Variants in CHD9 observed in about 807,000 individuals in gnomAD.
CHD9 encodes ATP-dependent chromatin remodeler CHD9.
In CHD9, 77 loss-of-function variants were observed where a neutral mutation model predicts 316.1. The ratio of observed to expected loss-of-function variants is 0.24; its 90% CI spans 0.20 to 0.29. CHD9 has a LOEUF of 0.29. CHD9 is among the 10% of genes least tolerant of loss of function. CHD9 has a pLI of 1.00. For synonymous variants in CHD9, 1,129 were observed against 1,158.3 expected (o/e 0.97, Z 0.51); for missense variants, 2,763 against 3,438.1 (o/e 0.80, Z 4.91).
chr16:53,258,053 C>CATTAATA (rs1484009378), intron 19 of CHD9, among the ~76,000 whole-genome samples: 3 of 152,076 alleles, frequency 2.0e-5, no homozygotes, highest in Non-Finnish European at 4.4e-5. Context: ...TTAATGAAGG[C>CATTAATA]ATATACAAAG....
chr16:53,087,947 CA>C (rs61112383), intron 1 of CHD9, among the ~76,000 whole-genome samples: 10,617 of 122,438 alleles, frequency 0.087, 1,196 homozygotes, highest in African/African-American at 0.28. Context: ...GAGTCTGTCT[CA>C]AAAAAAAAAA....
intron 11 of CHD9, 141 bp downstream of exon 11, chr16:53,235,447 T>A (rs1338892647): frequency 1.7e-6 from 1 of 592,910 alleles, no homozygotes; most frequent in African/African-American, 1.9e-5. Context: ...CAGGAACATA[T>A]GTAAATTGCA....
intron 24 of CHD9, among the ~76,000 whole-genome samples, chr16:53,282,362 A>G (rs2053490547): frequency 6.6e-6 from 1 of 152,130 alleles, no homozygotes; most frequent in African/African-American, 2.4e-5. Flanking sequence ...TAATCCCAGC[A>G]CTTAAGGCCG....
At chr16:53,150,760 C>A (rs1401813598) in intron 1 of CHD9, among the ~76,000 whole-genome samples, 11 of 152,164 alleles carry the variant, frequency 7.2e-5, no homozygotes, top group African/African-American at 2.7e-4. Flanking sequence ...AATTCTTAGT[C>A]AACAGTTTTT....
intron 27 of CHD9, among the ~76,000 whole-genome samples, chr16:53,290,361 G>A (rs886788619): frequency 6.6e-6 from 1 of 152,170 alleles, no homozygotes; most frequent in Non-Finnish European, 1.5e-5. Context: ...ACCAGAATTA[G>A]GACGTAAAAC....
At chr16:53,061,017 C>A (rs1026282696) in intron 1 of CHD9, among the ~76,000 whole-genome samples, 1 of 151,576 alleles carries the variant, frequency 6.6e-6, no homozygotes, top group African/African-American at 2.4e-5. Flanking sequence ...CCTCCGCCCC[C>A]CCGGGTTCAA....
In CHD9 at chr16:53,262,998, G is replaced by A. The variant is rs1243927767; in HGVS notation, c.4221G>A (p.Val1407=). Residue 1407 remains valine, a synonymous_variant, in exon 20 of 39, where the codon GTG becomes GTA. Coordinates refer to ENST00000447540, the MANE Select transcript of CHD9 (RefSeq NM_001308319.2). ...ATTATATATTTCAGGCGAGTTTTGTGGCATCTGGAAACCGGACAGATATTT... is the reference window on the plus strand; with the variant it reads ...ATTATATATTTCAGGCGAGTTTTGTAGCATCTGGAAACCGGACAGATATTT... ...RGSTFAKASF[V]ASGNRTDISL... 1.2e-6 allele frequency: 2 copies of A among 1,612,040 alleles called. No homozygotes were observed. The highest frequency in any genetic ancestry group is 3.3e-5 in the Admixed American group (2 of 59,838).
chr16:53,186,105 C>A (rs560469181), intron 2 of CHD9, among the ~76,000 whole-genome samples: 3 of 152,292 alleles, frequency 2.0e-5, no homozygotes, highest in Admixed American at 6.5e-5. Flanking sequence ...ATGATAGATC[C>A]ACTGACATTT....
chr16:53,074,324 C>T (rs189823224), intron 1 of CHD9, among the ~76,000 whole-genome samples: 3 of 152,288 alleles, frequency 2.0e-5, no homozygotes, highest in Admixed American at 1.3e-4. Context: ...CATAAAAGTT[C>T]AGAAAATTTG....
At chr16:53,253,189 G>A (rs1306884940) in intron 17 of CHD9, among the ~76,000 whole-genome samples, 1 of 151,298 alleles carries the variant, frequency 6.6e-6, no homozygotes, top group Non-Finnish European at 1.5e-5. Context: ...AAACTGTGGT[G>A]GGTATATGTG....
chr16:53,128,153 A>C (rs1343799897), intron 1 of CHD9, among the ~76,000 whole-genome samples: 1 of 151,780 alleles, frequency 6.6e-6, no homozygotes, highest in African/African-American at 2.4e-5. Flanking sequence ...GGGCCTCTTT[A>C]ATTGGAAAGA....
intron 2 of CHD9, among the ~76,000 whole-genome samples, chr16:53,160,717 G>A (rs2041848471): frequency 6.6e-6 from 1 of 152,104 alleles, no homozygotes; most frequent in Non-Finnish European, 1.5e-5. Context: ...GACCCGCCTG[G>A]CCAACATGGT....
rs1555476127 is a variant in CHD9 at position 53,063,844 on chromosome 16, T to TG, written c.-165+8767_-165+8768insG. Among the ~76,000 whole-genome samples, 145 of 149,644 alleles carry TG rather than the reference T, an allele frequency of 9.7e-4. 2 individuals are homozygous for TG. In the Middle Eastern group the frequency reaches 0.014, roughly 15 times the overall value. ...CCATGCCTGGCCTTTTTTTTTTTTT[T>TG]TTTTAAGAAAGACAGGATCTCACTC... On this transcript the variant is annotated intron_variant, in intron 1 of 38. Coordinates refer to ENST00000447540, the MANE Select transcript of CHD9 (RefSeq NM_001308319.2).
intron 1 of CHD9, among the ~76,000 whole-genome samples, chr16:53,101,865 T>G (rs1426048836): frequency 6.6e-6 from 1 of 152,170 alleles, no homozygotes; most frequent in Non-Finnish European, 1.5e-5. Context: ...TCAAGTGGTG[T>G]CAGGGAGTTG....
At chr16:53,220,959 T>C (rs1048926660) in intron 3 of CHD9, among the ~76,000 whole-genome samples, 2 of 152,232 alleles carry the variant, frequency 1.3e-5, no homozygotes, top group Non-Finnish European at 2.9e-5. Context: ...CCCTTTACTC[T>C]TCAGTAAGCG....
chr16:53,279,481 G>A lies in CHD9; in HGVS notation c.4967+5179G>A, dbSNP rs145637249. On this transcript the variant is annotated intron_variant, in intron 24 of 38. Transcript: ENST00000447540. ...CATATGTAACAAATCTGCACGTTGT[G>A]CACATGTACCCTAGAACTTGAAGTA... 5.4e-3 allele frequency among the ~76,000 whole-genome samples: 821 copies of A among 152,246 alleles called. 12 individuals are homozygous for A. Among genetic ancestry groups the A allele is most frequent in the African/African-American group, 0.019 (778 of 41,522 alleles).
intron 29 of CHD9, among the ~76,000 whole-genome samples, chr16:53,293,549 C>G (rs188473952): frequency 6.6e-6 from 1 of 152,008 alleles, no homozygotes; most frequent in Non-Finnish European, 1.5e-5. Context: ...CCAGAAGGTC[C>G]GTGCTGCAGT....
At position 53,324,631 on chromosome 16, in the gene CHD9, A is replaced by G; in HGVS notation, c.8430A>G (p.Pro2810=). Residue 2810 remains proline, a synonymous_variant, in exon 39 of 39, where the codon CCA becomes CCG. Transcript: ENST00000447540. Reference sequence around the variant, plus strand: ...TTTATCCAGGGATGCTTCTCACTCCAGGCCTTAATCTTCATATTCCAACTT... The same window carrying G: ...TTTATCCAGGGATGCTTCTCACTCCGGGCCTTAATCTTCATATTCCAACTT... ...NILYPGMLLT[P]GLNLHIPTLS... The G allele has an allele frequency of 6.2e-7, 1 of 1,613,822 alleles. No individual in the cohort carries two copies. The highest frequency in any genetic ancestry group is 1.1e-5 in the South Asian group (1 of 91,042).
At chr16:53,079,143 T>G (rs1018807218) in intron 1 of CHD9, among the ~76,000 whole-genome samples, 5 of 152,170 alleles carry the variant, frequency 3.3e-5, no homozygotes, top group African/African-American at 1.2e-4. Context: ...CTGGGAAAGC[T>G]TTTCCTTCTC....
Sources: allele counts gnomAD v4.1 joint callset (sites outside exome capture counted in the v4.1 genomes callset), GRCh38; gene constraint gnomAD v4.1.1; transcripts MANE v1.5; gene names NCBI Gene and HGNC (gene_info 2026-07-23, HGNC 2026-07-21).